BRCC3: variants seen among roughly 807,000 people sequenced by gnomAD.
BRCC3 encodes BRCA1/BRCA2-containing complex subunit 3, also known as lys-63-specific deubiquitinase BRCC36.
Under a neutral mutation model 28.0 loss-of-function variants are expected in BRCC3, and 15 were observed. The observed-to-expected ratio is 0.54, with a 90% CI of 0.36 to 0.82. The LOEUF is 0.82. Ranked by LOEUF, BRCC3 falls within the 40% of genes least tolerant of loss-of-function variation. BRCC3 has a pLI of 0.01. For missense variants in BRCC3, 109 were observed against 225.9 expected (o/e 0.48, Z 3.32); for synonymous variants, 66 against 80.3 (o/e 0.82, Z 0.95).
At chrX:155,116,275 C>T in intron 8 of BRCC3, 87 bp downstream of exon 8, 2 of 896,108 alleles carry the variant, frequency 2.2e-6, no homozygotes, top group Non-Finnish European at 3.0e-6. Flanking sequence ...AGCAGCTCAA[C>T]TCTTGAGGCC....
chrX:155,105,415 G>A (rs782190310), intron 7 of BRCC3, among the ~76,000 whole-genome samples: 11 of 111,429 alleles, frequency 9.9e-5, no homozygotes, highest in African/African-American at 1.6e-4. Flanking sequence ...CCCGGGAGGC[G>A]GAGGTTGCAG....
Position 155,121,779 on chromosome X carries a change from G to A in BRCC3, c.*575G>A, listed in dbSNP as rs1434681874. On this transcript the variant is annotated 3_prime_UTR_variant, in exon 11 of 11. Coordinates refer to ENST00000330045, the MANE Select transcript of BRCC3 (RefSeq NM_001018055.3). Reference sequence around the variant, plus strand: ...GAGGAAAAGATAAGCTACAGATTGAGATGAATTTGCAAACCATATATCTGA... The same window carrying A: ...GAGGAAAAGATAAGCTACAGATTGAAATGAATTTGCAAACCATATATCTGA... The A allele has an allele frequency of 8.9e-6, 1 of 111,872 alleles. No homozygotes were observed. The highest frequency in any genetic ancestry group is 1.9e-5 in the Non-Finnish European group (1 of 53,225). The allele number at this position is 111,872 out of a possible 1,213,427, so 9.2% of individuals were successfully genotyped here. A position where few individuals can be genotyped will look rare whatever the true frequency, so the allele number is the denominator to read the frequency against.
intron 9 of BRCC3, among the ~76,000 whole-genome samples, chrX:155,117,874 G>A (rs2124311653): frequency 8.9e-6 from 1 of 111,861 alleles, no homozygotes. Flanking sequence ...GTACAGTGCT[G>A]AACAAAAGAG....
intron 7 of BRCC3, among the ~76,000 whole-genome samples, chrX:155,091,891 G>C (rs1557295728): frequency 9.0e-6 from 1 of 110,827 alleles, no homozygotes; most frequent in Admixed American, 9.6e-5. Flanking sequence ...AGTAAGCTAT[G>C]ATTTGTGTAA....
intron 10 of BRCC3, 64 bp downstream of exon 10, chrX:155,120,232 C>A: frequency 1.2e-6 from 1 of 847,192 alleles, no homozygotes; most frequent in Non-Finnish European, 1.7e-6. Flanking sequence ...AGCTCACATG[C>A]AGGCAGACAA....
intron 9 of BRCC3, among the ~76,000 whole-genome samples, chrX:155,117,717 C>T (rs1451640897): frequency 9.0e-6 from 1 of 111,152 alleles, no homozygotes; most frequent in Non-Finnish European, 1.9e-5. Context: ...AGAGATAGGC[C>T]TATGTATATA....
At position 155,078,609 on chromosome X, in the gene BRCC3, G is replaced by A. The variant is rs2124244814; in HGVS notation, c.316-7G>A. ...CCCACATTTTTAAAGTACCTTGACA[G>A]ACACACAGGTTGGCTGAACTGACAG... is the stretch of plus-strand genomic sequence containing the variant. On this transcript the variant is annotated splice_region_variant and splice_polypyrimidine_tract_variant and intron_variant, in intron 4 of 10. Coordinates refer to ENST00000330045, the MANE Select transcript of BRCC3 (RefSeq NM_001018055.3). 2 of 1,187,494 alleles carry A rather than the reference G, an allele frequency of 1.7e-6. No homozygotes were observed. Among genetic ancestry groups the A allele is most frequent in the Non-Finnish European group, 1.1e-6 (1 of 879,367 alleles).
intron 7 of BRCC3, among the ~76,000 whole-genome samples, chrX:155,104,425 T>TC (rs2074265089): frequency 8.9e-6 from 1 of 112,419 alleles, no homozygotes; most frequent in African/African-American, 3.2e-5. Flanking sequence ...GTTCATTTTT[T>TC]CCCCACTACT....
chrX:155,120,486 CTT>C (rs1165394737), intron 10 of BRCC3, among the ~76,000 whole-genome samples: 5 of 111,795 alleles, frequency 4.5e-5, no homozygotes, highest in Non-Finnish European at 9.4e-5. Flanking sequence ...ACTTGGAAGT[CTT>C]TATTTTCATT....
intron 5 of BRCC3, among the ~76,000 whole-genome samples, chrX:155,084,841 A>G (rs1557294584): frequency 9.1e-6 from 1 of 110,459 alleles, no homozygotes; most frequent in Non-Finnish European, 1.9e-5. Flanking sequence ...GTGGTGATGC[A>G]TGCATGTATT....
chrX:155,084,038 A>G (rs2074102595), intron 5 of BRCC3, among the ~76,000 whole-genome samples: 1 of 112,296 alleles, frequency 8.9e-6, no homozygotes, highest in South Asian at 3.7e-4. Context: ...AATCCTATTC[A>G]TGGAAGTAGG....
intron 7 of BRCC3, among the ~76,000 whole-genome samples, chrX:155,114,885 C>A (rs985086711): frequency 4.5e-5 from 5 of 111,920 alleles, no homozygotes; most frequent in Admixed American, 1.9e-4. Context: ...AAAACTGATT[C>A]ATACCCATAG....
intron 7 of BRCC3, among the ~76,000 whole-genome samples, chrX:155,097,896 T>C (rs901505634): frequency 9.0e-6 from 1 of 111,390 alleles, no homozygotes; most frequent in African/African-American, 3.3e-5. Flanking sequence ...CTGGGGAGGC[T>C]GAGGCAGGAG....
At chrX:155,085,811 G>C (rs1451645485) in intron 5 of BRCC3, among the ~76,000 whole-genome samples, 2 of 111,938 alleles carry the variant, frequency 1.8e-5, no homozygotes, top group African/African-American at 6.5e-5. Flanking sequence ...GCGGTTTACA[G>C]AGTTTCTGTC....
chrX:155,101,775 T>C (rs1385307086), intron 7 of BRCC3, among the ~76,000 whole-genome samples: 4 of 111,941 alleles, frequency 3.6e-5, no homozygotes, highest in South Asian at 3.7e-4. Flanking sequence ...GGATTCATTA[T>C]TTCTCCAAGG....
In BRCC3 at chrX:155,073,373, G is replaced by A. The variant is rs1277036959; in HGVS notation, c.141-4G>A. 1.7e-6 allele frequency: 2 copies of A among 1,160,616 alleles called. No homozygotes were observed. Among genetic ancestry groups the A allele is most frequent in the Non-Finnish European group, 2.3e-6 (2 of 869,843 alleles). On this transcript the variant is annotated splice_region_variant and splice_polypyrimidine_tract_variant and intron_variant, in intron 2 of 10. Transcript: ENST00000330045. The stretch of plus-strand genomic sequence containing the variant: ...TTTTTTTTTTTCTAATTTATTCCCA[G>A]TAGGAGTGACTCCAAATTTGCATAT...
intron 3 of BRCC3, among the ~76,000 whole-genome samples, chrX:155,076,553 GGA>G (rs1362912426): frequency 9.0e-6 from 1 of 110,758 alleles, no homozygotes; most frequent in Non-Finnish European, 1.9e-5. Context: ...CATGGTGGTA[GGA>G]GAGAGAGAGA....
At chrX:155,102,064 G>C (rs1168290996) in intron 7 of BRCC3, among the ~76,000 whole-genome samples, 2 of 112,024 alleles carry the variant, frequency 1.8e-5, no homozygotes, top group Non-Finnish European at 3.8e-5. Context: ...CCATTCACCT[G>C]TTGATGGATA....
At chrX:155,109,851 C>T (rs1602803123) in intron 7 of BRCC3, among the ~76,000 whole-genome samples, 1 of 111,452 alleles carries the variant, frequency 9.0e-6, no homozygotes, top group African/African-American at 3.3e-5. Flanking sequence ...TTAAAATTTC[C>T]CAATTATCTC....
Sources: allele counts gnomAD v4.1 joint callset (sites outside exome capture counted in the v4.1 genomes callset), GRCh38; gene constraint gnomAD v4.1.1; transcripts MANE v1.5; gene names NCBI Gene and HGNC (gene_info 2026-07-23, HGNC 2026-07-21).